Variants in ANGPT2 observed in about 807,000 individuals in gnomAD.
ANGPT2 encodes angiopoietin-2.
Under a neutral mutation model 62.9 loss-of-function variants are expected in ANGPT2, and 28 were observed. That is an observed-to-expected ratio of 0.44 (90% CI 0.33 to 0.61). The LOEUF (loss-of-function observed/expected upper bound fraction) is 0.61, where lower values mean the gene tolerates loss of function less well. Ranked by LOEUF, ANGPT2 falls within the 20% of genes least tolerant of loss-of-function variation. The probability of loss-of-function intolerance (pLI) is 0.03; values close to 1 mark genes in which losing one functional copy is unlikely to be tolerated. For synonymous variants in ANGPT2, 284 were observed against 207.8 expected (o/e 1.37, Z -3.15); for missense variants, 727 against 594.9 (o/e 1.22, Z -2.31).
intron 1 of ANGPT2, among the ~76,000 whole-genome samples, chr8:6,548,263 G>T (rs1452644066): frequency 6.6e-6 from 1 of 152,080 alleles, no homozygotes; most frequent in Non-Finnish European, 1.5e-5. Context: ...CTGCACCCTG[G>T]CATTTTCAGG....
intron 8 of ANGPT2, 83 bp downstream of exon 8, chr8:6,508,849 A>G (rs560482938): frequency 3.6e-4 from 567 of 1,582,754 alleles, no homozygotes; most frequent in Middle Eastern, 1.5e-3. Flanking sequence ...ACAAATCACA[A>G]TTTGTAGTCC....
intron 7 of ANGPT2, among the ~76,000 whole-genome samples, chr8:6,513,449 C>T (rs984568973): frequency 6.6e-6 from 1 of 151,804 alleles, no homozygotes; most frequent in Non-Finnish European, 1.5e-5. Context: ...TCTTCTGCCT[C>T]AGCCTCCCGA....
At chr8:6,546,826 A>G (rs924183674) in intron 1 of ANGPT2, among the ~76,000 whole-genome samples, 26 of 152,166 alleles carry the variant, frequency 1.7e-4, no homozygotes, top group Non-Finnish European at 1.5e-4. Context: ...CTATGATTTG[A>G]TATGTTTATC....
intron 7 of ANGPT2, among the ~76,000 whole-genome samples, chr8:6,512,592 C>T (rs3020215): frequency 0.24 from 36,534 of 152,118 alleles, 5,698 homozygotes; most frequent in Middle Eastern, 0.41. Context: ...TCTCACTTCT[C>T]TGCCCCTCCC....
chr8:6,521,431 T>G, intron 3 of ANGPT2, 21 bp from the exon 4 acceptor site: 2 of 1,537,722 alleles, frequency 1.3e-6, no homozygotes, highest in Non-Finnish European at 1.8e-6. Flanking sequence ...AAAGAATTGT[T>G]AGTTAGTGAA....
chr8:6,526,257 T>TAAAAAA (rs35519559), intron 3 of ANGPT2, among the ~76,000 whole-genome samples: 9 of 77,498 alleles, frequency 1.2e-4, no homozygotes, highest in African/African-American at 2.5e-4. Flanking sequence ...TTGCCTCTAC[T>TAAAAAA]AAAAAAAAAA....
intron 1 of ANGPT2, among the ~76,000 whole-genome samples, chr8:6,543,943 A>G (rs1445502393): frequency 5.3e-5 from 8 of 152,232 alleles, no homozygotes; most frequent in Admixed American, 2.0e-4. Flanking sequence ...TAACGGGGCT[A>G]TGTTTTGCAC....
chr8:6,556,912 ACTT>A (rs1824713506), intron 1 of ANGPT2, among the ~76,000 whole-genome samples: 1 of 152,152 alleles, frequency 6.6e-6, no homozygotes, highest in Admixed American at 6.5e-5. Context: ...TCCCCCTCTG[ACTT>A]CTTCTAGGCA....
rs116783523 is a variant in ANGPT2 at position 6,533,730 on chromosome 8, A to G, written c.289-1243T>C. 8.3e-3 allele frequency among the ~76,000 whole-genome samples: 1,264 copies of G among 152,252 alleles called. 20 individuals are homozygous for G. Among genetic ancestry groups the G allele is most frequent in the African/African-American group, 0.029 (1,221 of 41,542 alleles). ...TACATTGAATAATTGAAAGATGATTATAAAACTGGTTCTGGTGCCCTCCTT... is the reference window on the plus strand; with the variant it reads ...TACATTGAATAATTGAAAGATGATTGTAAAACTGGTTCTGGTGCCCTCCTT... On this transcript the variant is annotated intron_variant, in intron 1 of 8. Coordinates refer to ENST00000629816, the MANE Select transcript of ANGPT2 (RefSeq NM_001118887.2).
At chr8:6,531,555 G>C (rs1328366948) in intron 2 of ANGPT2, among the ~76,000 whole-genome samples, 2 of 152,128 alleles carry the variant, frequency 1.3e-5, no homozygotes, top group South Asian at 2.1e-4. Context: ...GCCTCCCAAA[G>C]TGCTGGAATT....
chr8:6,519,411 AAAAAG>A (rs1816882392), intron 5 of ANGPT2, among the ~76,000 whole-genome samples: 1 of 152,220 alleles, frequency 6.6e-6, no homozygotes, highest in Non-Finnish European at 1.5e-5. Flanking sequence ...GTCACACACA[AAAAAG>A]AAAGGAACAA....
Position 6,514,672 on chromosome 8 carries a change from C to G in ANGPT2, c.1029+5G>C, listed in dbSNP as rs1380493417. 6.8e-6 allele frequency: 11 copies of G among 1,612,856 alleles called. No individual in the cohort carries two copies. The highest frequency in any genetic ancestry group is 7.6e-6 in the Non-Finnish European group (9 of 1,179,030). ...CTTTTCTGATGCCTTAAAGAATGTC[C>G]TTACCACTTTATATTCTTTCCAAGT... On this transcript the variant is annotated splice_donor_5th_base_variant and intron_variant, in intron 6 of 8. Transcript: ENST00000629816.
chr8:6,540,861 G>A (rs1272867560), intron 1 of ANGPT2, among the ~76,000 whole-genome samples: 1 of 152,248 alleles, frequency 6.6e-6, no homozygotes, highest in Non-Finnish European at 1.5e-5. Context: ...GGACTCAGGC[G>A]GCCACCGCCG....
intron 1 of ANGPT2, among the ~76,000 whole-genome samples, chr8:6,537,391 A>C (rs186658834): frequency 6.6e-5 from 10 of 152,074 alleles, no homozygotes; most frequent in East Asian, 5.8e-4. Context: ...GAGTTATGCA[A>C]GTTTAACATT....
At chr8:6,543,099 G>A (rs2922868) in intron 1 of ANGPT2, among the ~76,000 whole-genome samples, 4 of 151,382 alleles carry the variant, frequency 2.6e-5, no homozygotes, top group Non-Finnish European at 5.9e-5. Context: ...AGAAACCCCC[G>A]CAACTCCACC....
intron 5 of ANGPT2, among the ~76,000 whole-genome samples, chr8:6,515,075 T>C (rs2979672): frequency 0.36 from 54,980 of 151,092 alleles, 10,148 homozygotes; most frequent in Middle Eastern, 0.48. Flanking sequence ...TGATGGCTGG[T>C]CCAGAGATTG....
At chr8:6,537,560 A>T (rs1406064768) in intron 1 of ANGPT2, among the ~76,000 whole-genome samples, 1 of 146,226 alleles carries the variant, frequency 6.8e-6, no homozygotes, top group East Asian at 2.0e-4. Context: ...ATATATATAT[A>T]TGTTTACATT....
intron 7 of ANGPT2, among the ~76,000 whole-genome samples, chr8:6,509,535 G>C (rs943312219): frequency 4.6e-5 from 7 of 152,164 alleles, no homozygotes; most frequent in African/African-American, 7.2e-5. Flanking sequence ...GAAATCTACA[G>C]AACGGTGCTG....
At chr8:6,504,884 T>C (rs1187813717) in intron 8 of ANGPT2, among the ~76,000 whole-genome samples, 3 of 152,098 alleles carry the variant, frequency 2.0e-5, no homozygotes, top group Non-Finnish European at 2.9e-5. Context: ...CTGGACATCT[T>C]GGAATGTTTC....
Sources: gnomAD v4.1 joint callset for allele counts (sites outside exome capture counted in the v4.1 genomes callset) on GRCh38, gnomAD v4.1.1 for gene constraint, MANE v1.5 for transcripts, NCBI Gene and HGNC (gene_info 2026-07-23, HGNC 2026-07-21) for gene names.